TIGAR: variants seen among roughly 807,000 people sequenced by gnomAD.
TIGAR encodes the protein TP53 induced glycolysis regulatory phosphatase, also known as fructose-2,6-bisphosphatase TIGAR.
TIGAR carries 7 observed loss-of-function variants against 17.9 expected under a neutral mutation model. The ratio of observed to expected loss-of-function variants is 0.39; its 90% CI spans 0.22 to 0.73. TIGAR has a LOEUF of 0.73. Ranked by LOEUF, TIGAR falls within the 30% of genes least tolerant of loss-of-function variation. The probability of loss-of-function intolerance (pLI) is 0.42; values close to 1 mark genes in which losing one functional copy is unlikely to be tolerated. For synonymous variants in TIGAR, 94 were observed against 108.6 expected, an observed-to-expected ratio of 0.87 and a Z score of 0.84; for missense variants, 258 against 327.4, an observed-to-expected ratio of 0.79 and a Z score of 1.64.
At chr12:4,324,191 A>C (rs1286895448) in intron 1 of TIGAR, among the ~76,000 whole-genome samples, 1 of 152,250 alleles carries the variant, frequency 6.6e-6, no homozygotes, top group Non-Finnish European at 1.5e-5. Flanking sequence ...CTTATGGCAC[A>C]GCATTGTTGA....
chr12:4,327,883 G>C (rs1477221108), intron 1 of TIGAR, among the ~76,000 whole-genome samples: 1 of 152,064 alleles, frequency 6.6e-6, no homozygotes, highest in Non-Finnish European at 1.5e-5. Flanking sequence ...GGCCAGGCTG[G>C]TCTCAAACTC....
At chr12:4,324,786 C>T (rs1420165969) in intron 1 of TIGAR, 83 of 646,278 alleles carry the variant, frequency 1.3e-4, no homozygotes, top group Non-Finnish European at 2.1e-4. Context: ...GCGGAAGGTC[C>T]GCTTCTTCTG....
intron 3 of TIGAR, among the ~76,000 whole-genome samples, chr12:4,344,581 C>G (rs1055801612): frequency 1.3e-5 from 2 of 152,130 alleles, no homozygotes; most frequent in African/African-American, 4.8e-5. Context: ...ATATGCAGAT[C>G]AATAAACGTA....
intron 3 of TIGAR, among the ~76,000 whole-genome samples, chr12:4,342,732 G>A (rs1468935737): frequency 1.3e-5 from 2 of 152,134 alleles, no homozygotes; most frequent in Non-Finnish European, 2.9e-5. Context: ...AGCTCCTGAA[G>A]GAAGCACTAA....
At chr12:4,346,813 T>C (rs1328382147) in intron 3 of TIGAR, among the ~76,000 whole-genome samples, 1 of 151,996 alleles carries the variant, frequency 6.6e-6, no homozygotes, top group African/African-American at 2.4e-5. Flanking sequence ...CTCAACATCA[T>C]TGGTAATCAG....
At chr12:4,324,377 T>C (rs1454094609) in intron 1 of TIGAR, 1 of 1,078,682 alleles carries the variant, frequency 9.3e-7, no homozygotes, top group Non-Finnish European at 1.4e-6. Flanking sequence ...AGCCACTACT[T>C]GAGGGGGATG....
chr12:4,329,990 G>C (rs1192842657), intron 1 of TIGAR, among the ~76,000 whole-genome samples: 1 of 152,136 alleles, frequency 6.6e-6, no homozygotes, highest in Non-Finnish European at 1.5e-5. Context: ...TGGGGAGGGA[G>C]ACTACCTAAA....
At chr12:4,327,094 G>C (rs1300660705) in intron 1 of TIGAR, among the ~76,000 whole-genome samples, 2 of 152,102 alleles carry the variant, frequency 1.3e-5, no homozygotes, top group African/African-American at 2.4e-5. Flanking sequence ...ACATAGGCAG[G>C]CAGTATTTAT....
In TIGAR at chr12:4,355,747, T is replaced by C. The variant is rs1456351033; in HGVS notation, c.*3056T>C. Among the ~76,000 whole-genome samples, 2 of 152,192 alleles carry C rather than the reference T, an allele frequency of 1.3e-5. No individual in the cohort carries two copies. Among genetic ancestry groups the C allele is most frequent in the Non-Finnish European group, 2.9e-5 (2 of 68,030 alleles). Reference sequence around the variant, plus strand: ...GACAGTGTGTTGGCTCACATTGTGGTCAGTGCTGTTGAGCAAAATAGGTCA... The same window carrying C: ...GACAGTGTGTTGGCTCACATTGTGGCCAGTGCTGTTGAGCAAAATAGGTCA... On this transcript the variant is annotated 3_prime_UTR_variant, in exon 6 of 6. Coordinates refer to ENST00000179259, the MANE Select transcript of TIGAR (RefSeq NM_020375.3).
intron 4 of TIGAR, among the ~76,000 whole-genome samples, chr12:4,350,267 T>C (rs1037078466): frequency 1.3e-5 from 2 of 152,214 alleles, no homozygotes; most frequent in Non-Finnish European, 2.9e-5. Flanking sequence ...ATAAACATCT[T>C]TGTAGTTAAT....
At chr12:4,324,735 TCCC>T (rs2120642454) in intron 1 of TIGAR, 6 of 388,074 alleles carry the variant, frequency 1.5e-5, no homozygotes, top group Admixed American at 3.3e-5. Flanking sequence ...ACACGTCCCG[TCCC>T]GCAGCTGGTC....
At position 4,349,866 on chromosome 12, in the gene TIGAR, G is replaced by A. The variant is rs7309402; in HGVS notation, c.240G>A (p.Thr80=). Residue 80 remains threonine (T), a synonymous_variant, in exon 4 of 6, where the codon ACG becomes ACA. Transcript: ENST00000179259. ...GAAGCAAATTTTGCAAAGATATGACGGTAAAGTATGACTCAAGACTTCGGG... is the reference window on the plus strand; with the variant it reads ...GAAGCAAATTTTGCAAAGATATGACAGTAAAGTATGACTCAAGACTTCGGG... ...LERSKFCKDM[T]VKYDSRLRER... 0.11 allele frequency: 172,283 copies of A among 1,572,144 alleles called. 17,081 individuals carry two copies. The highest frequency in any genetic ancestry group is 0.53 in the East Asian group (21,844 of 40,856).
chr12:4,345,421 A>G (rs1437858812), intron 3 of TIGAR, among the ~76,000 whole-genome samples: 4 of 152,348 alleles, frequency 2.6e-5, no homozygotes, highest in Admixed American at 6.5e-5. Flanking sequence ...ATATAGACCA[A>G]TGGAACAGAA....
Position 4,324,502 on chromosome 12 carries a change from T to C in TIGAR, c.32+3199T>C, listed in dbSNP as rs999199150. On this transcript the variant is annotated intron_variant, in intron 1 of 5. Coordinates refer to ENST00000179259, the MANE Select transcript of TIGAR (RefSeq NM_020375.3). Reference sequence around the variant, plus strand: ...CATCTCCGGCTTGATCTCCACCTGGTTGAAGGTCTTGCCGTTGTAGACGCC... The same window carrying C: ...CATCTCCGGCTTGATCTCCACCTGGCTGAAGGTCTTGCCGTTGTAGACGCC... The C allele has an allele frequency of 6.8e-5, 110 of 1,608,874 alleles. 1 individual carries two copies. In the South Asian group the frequency reaches 9.8e-4, roughly 14 times the overall value.
chr12:4,332,532 C>T (rs1864615079), intron 2 of TIGAR, among the ~76,000 whole-genome samples: 1 of 152,194 alleles, frequency 6.6e-6, no homozygotes, highest in South Asian at 2.1e-4. Context: ...GCCTGAGCCG[C>T]CGCACGCGGC....
intron 1 of TIGAR, chr12:4,324,629 G>T: frequency 2.0e-6 from 3 of 1,475,302 alleles, no homozygotes; most frequent in South Asian, 2.4e-5. Context: ...TTGGCCTTGC[G>T]CAGGCGCTTC....
intron 1 of TIGAR, among the ~76,000 whole-genome samples, chr12:4,326,367 C>T (rs1864546061): frequency 6.6e-6 from 1 of 152,184 alleles, no homozygotes; most frequent in African/African-American, 2.4e-5. Flanking sequence ...ATTCCCCAAA[C>T]GTACTAATTA....
chr12:4,347,156 T>C (rs1233326467), intron 3 of TIGAR, among the ~76,000 whole-genome samples: 1 of 152,162 alleles, frequency 6.6e-6, no homozygotes, highest in Non-Finnish European at 1.5e-5. Flanking sequence ...CAAATGTCCA[T>C]CAGCAGATGA....
chr12:4,329,296 T>C (rs2120651734), intron 1 of TIGAR, among the ~76,000 whole-genome samples: 1 of 151,900 alleles, frequency 6.6e-6, no homozygotes, highest in South Asian at 2.1e-4. Context: ...TTATAATCTG[T>C]TGCTATTAGA....
Sources: gnomAD v4.1 joint callset for allele counts (sites outside exome capture counted in the v4.1 genomes callset) on GRCh38, gnomAD v4.1.1 for gene constraint, MANE v1.5 for transcripts, NCBI Gene and HGNC (gene_info 2026-07-23, HGNC 2026-07-21) for gene names.